Variants in RFC1 observed in about 807,000 individuals in gnomAD.
RFC1 encodes the protein replication factor C subunit 1.
In RFC1, 37 loss-of-function variants were observed where a neutral mutation model predicts 137.4. The ratio of observed to expected loss-of-function variants is 0.27; its 90% CI spans 0.21 to 0.35. The LOEUF (loss-of-function observed/expected upper bound fraction) is 0.35. RFC1 is among the 10% of genes least tolerant of loss of function. The pLI is 1.00. For missense variants in RFC1, 1,205 were observed against 1,358.5 expected (o/e 0.89, Z 1.78); for synonymous variants, 429 against 455.7 (o/e 0.94, Z 0.75).
At chr4:39,318,158 A>C (rs1393759493) in intron 9 of RFC1, 2 of 434 alleles carry the variant, frequency 4.6e-3, no homozygotes, top group Admixed American at 0.091. Flanking sequence ...CTCCGTCTCA[A>C]AAAAAAAAAA....
At chr4:39,343,731 A>G (rs1387271732) in intron 3 of RFC1, among the ~76,000 whole-genome samples, 1 of 152,240 alleles carries the variant, frequency 6.6e-6, no homozygotes, top group Non-Finnish European at 1.5e-5. Flanking sequence ...CAGAGTAAAC[A>G]CTTAAGTACT....
Position 39,290,045 on chromosome 4 carries a change from T to C in RFC1, c.3169-6A>G, listed in dbSNP as rs377358931. ...CTTGTGAAGGCTGCTTTCACCTATA[T>C]GAAAGGAGTAGATGGAGTTTTTAAA... On this transcript the variant is annotated splice_polypyrimidine_tract_variant and splice_region_variant and intron_variant, in intron 23 of 24. Coordinates refer to ENST00000349703, the MANE Select transcript of RFC1 (RefSeq NM_002913.5). The C allele has an allele frequency of 1.9e-6, 3 of 1,599,728 alleles. No homozygotes were observed. In the African/African-American group the frequency reaches 4.0e-5, roughly 22 times the overall value.
rs143498248 is a variant in RFC1, at chr4:39,314,663, C to T, written c.1204-1732G>A. The stretch of plus-strand genomic sequence containing the variant: ...GGCAAGACTGGCATCTTCCTGCAGG[C>T]TCCCATAAAACCCATAAGCCCCTTA... On this transcript the variant is annotated intron_variant, in intron 10 of 24. Transcript: ENST00000349703. 5.3e-5 allele frequency among the ~76,000 whole-genome samples: 8 copies of T among 152,202 alleles called. No homozygotes were observed. The East Asian group carries it at 1.6e-3, about 30-fold the overall frequency.
intron 2 of RFC1, among the ~76,000 whole-genome samples, chr4:39,350,294 G>A (rs1741121927): frequency 6.6e-6 from 1 of 152,032 alleles, no homozygotes; most frequent in Non-Finnish European, 1.5e-5. Context: ...TGTAATTCAA[G>A]AAGAGAAGAG....
intron 7 of RFC1, chr4:39,322,299 T>G (rs1002744986): frequency 1.3e-4 from 19 of 151,938 alleles, no homozygotes; most frequent in African/African-American, 3.6e-4. Context: ...TCCCAGCTAC[T>G]TGGGGGGCTG....
At chr4:39,297,625 G>C (rs1252161541) in intron 21 of RFC1, 1 of 152,298 alleles carries the variant, frequency 6.6e-6, no homozygotes, top group African/African-American at 2.4e-5. Flanking sequence ...AACGCTTCAC[G>C]AATTTGCGTG....
At chr4:39,292,916 A>T (rs1737767764) in intron 22 of RFC1, among the ~76,000 whole-genome samples, 1 of 152,042 alleles carries the variant, frequency 6.6e-6, no homozygotes, top group African/African-American at 2.4e-5. Flanking sequence ...AAGTGGTGGG[A>T]TTACAGACGT....
At chr4:39,348,423 A>AG (rs1740975642) in intron 2 of RFC1, among the ~76,000 whole-genome samples, 2 of 116,798 alleles carry the variant, frequency 1.7e-5, no homozygotes, top group East Asian at 2.8e-4. Flanking sequence ...ACTCTGTTTC[A>AG]AAAAAGAAAA....
chr4:39,359,077 C>T (rs1452313443), intron 1 of RFC1, among the ~76,000 whole-genome samples: 3 of 152,304 alleles, frequency 2.0e-5, no homozygotes, highest in South Asian at 2.1e-4. Context: ...CATCTCCATG[C>T]ATAGCACCAC....
chr4:39,291,563 A>G, intron 23 of RFC1, 76 bp downstream of exon 23: 1 of 1,055,622 alleles, frequency 9.5e-7, no homozygotes, highest in Non-Finnish European at 1.5e-6. Flanking sequence ...TAAAGCATCT[A>G]AAACACCTCC....
chr4:39,305,469 G>A (rs900558300), intron 14 of RFC1, among the ~76,000 whole-genome samples: 11 of 152,078 alleles, frequency 7.2e-5, no homozygotes, highest in Non-Finnish European at 1.3e-4. Flanking sequence ...TTAGCTGGGC[G>A]TGGTGGCGTG....
Position 39,300,378 on chromosome 4 carries a change from C to T in RFC1, c.2572G>A (p.Gly858Arg). 2 of 1,614,084 alleles carry T rather than the reference C, an allele frequency of 1.2e-6. No individual in the cohort carries two copies. The highest frequency in any genetic ancestry group is 2.2e-5 in the South Asian group (2 of 91,076). The change falls in exon 20 of 25, where the codon GGA becomes AGA. Residue 858 changes from glycine (G) to arginine (R), a missense_variant. Around this residue, in one of 3 missense-constraint regions of RFC1, gnomAD observed 962 missense variants for 1,035.3 expected, o/e 0.93. Transcript: ENST00000349703. ...AGTGACATGTGAGCAGTCTCCTCTC[C>T]AGCTGCAAACACTTTCCGGGCAACA... ...FDVARKVFAA[G>R]EETAHMSLVD...
At chr4:39,348,427 A>AGG (rs1740982250) in intron 2 of RFC1, among the ~76,000 whole-genome samples, 1 of 37,474 alleles carries the variant, frequency 2.7e-5, no homozygotes, top group Non-Finnish European at 6.5e-5. Flanking sequence ...TGTTTCAAAA[A>AGG]AGAAAAGAAA....
intron 3 of RFC1, among the ~76,000 whole-genome samples, chr4:39,342,906 C>A (rs568526597): frequency 6.6e-6 from 1 of 152,218 alleles, no homozygotes; most frequent in Non-Finnish European, 1.5e-5. Context: ...AAAGCCCTCA[C>A]GTTGCCATCT....
chr4:39,315,695 ACT>A (rs1422320319), intron 10 of RFC1, among the ~76,000 whole-genome samples: 4 of 151,702 alleles, frequency 2.6e-5, no homozygotes, highest in Admixed American at 2.6e-4. Flanking sequence ...CATCCCCAAT[ACT>A]CTTTCTTCTC....
intron 4 of RFC1, among the ~76,000 whole-genome samples, chr4:39,329,919 C>T (rs1452062212): frequency 6.6e-6 from 1 of 151,994 alleles, no homozygotes; most frequent in African/African-American, 2.4e-5. Context: ...CCTGTAATCC[C>T]AGCTATTTGG....
chr4:39,355,451 A>C lies in RFC1; in HGVS notation c.4-3975T>G, dbSNP rs188363004. Among the ~76,000 whole-genome samples, 50 of 152,138 alleles carry C rather than the reference A, an allele frequency of 3.3e-4. 1 individual carries two copies. In the East Asian group the frequency reaches 4.8e-3, roughly 15 times the overall value. On this transcript the variant is annotated intron_variant, in intron 1 of 24. Transcript: ENST00000349703. ...CTATCTTAAAACACACACACACACA[A>C]AACTTGTAAAAGGGTTCCTACAAAT...
chr4:39,298,653 G>A (rs1174861349), intron 21 of RFC1, among the ~76,000 whole-genome samples: 1 of 152,086 alleles, frequency 6.6e-6, no homozygotes, highest in Non-Finnish European at 1.5e-5. Flanking sequence ...TCTAGAAGCC[G>A]CTACTCAGTG....
Position 39,306,744 on chromosome 4 carries a change from C to G in RFC1, c.1886-43G>C, listed in dbSNP as rs192963660. The G allele has an allele frequency of 1.3e-4, 152 of 1,126,600 alleles. No homozygotes were observed. In the African/African-American group the frequency reaches 2.2e-3, roughly 16 times the overall value. The allele number at this position is 1,126,600 out of a possible 1,614,324, so 69.8% of individuals were successfully genotyped here. A position where few individuals can be genotyped will look rare whatever the true frequency, so the allele number is the denominator to read the frequency against. ...GTTCCAGAGTGTCAACCTATATCAC[C>G]TAACAGAAATTCAAGCATGGCAGAA... On this transcript the variant is annotated intron_variant, in intron 13 of 24. Transcript: ENST00000349703.
Sources: gnomAD v4.1 joint callset for allele counts (sites outside exome capture counted in the v4.1 genomes callset) on GRCh38, gnomAD v4.1.1 for gene constraint, gnomAD v4.1.1 regional missense constraint, MANE v1.5 for transcripts, NCBI Gene and HGNC (gene_info 2026-07-23, HGNC 2026-07-21) for gene names.